Variants in CTNNA1 observed in about 807,000 individuals in gnomAD.
CTNNA1 encodes the protein catenin alpha 1.
Under a neutral mutation model 98.4 loss-of-function variants are expected in CTNNA1, and 37 were observed. That is an observed-to-expected ratio of 0.38 (90% CI 0.29 to 0.49). The LOEUF (loss-of-function observed/expected upper bound fraction) is 0.49. Ranked by LOEUF, CTNNA1 falls within the 20% of genes least tolerant of loss-of-function variation. CTNNA1 has a pLI of 0.95. For synonymous variants in CTNNA1, 404 were observed against 413.2 expected, an observed-to-expected ratio of 0.98 and a Z score of 0.27; for missense variants, 761 against 1,147.2, an observed-to-expected ratio of 0.66 and a Z score of 4.86.
intron 5 of CTNNA1, among the ~76,000 whole-genome samples, chr5:138,818,295 G>T (rs1279748646): frequency 6.6e-6 from 1 of 151,230 alleles, no homozygotes; most frequent in African/African-American, 2.4e-5. Flanking sequence ...AGCGGGGGTG[G>T]GTAGAGATAG....
chr5:138,755,634 C>T (rs534133014), intron 1 of CTNNA1, among the ~76,000 whole-genome samples: 2 of 152,242 alleles, frequency 1.3e-5, no homozygotes, highest in Admixed American at 6.5e-5. Context: ...GCAGTCTCTT[C>T]TGTCATCAGC....
chr5:138,884,057 A>C (rs971529708), intron 7 of CTNNA1, among the ~76,000 whole-genome samples: 7 of 152,244 alleles, frequency 4.6e-5, no homozygotes, highest in Non-Finnish European at 7.3e-5. Flanking sequence ...ACATATTCCC[A>C]AGGTGGTTGG....
intron 9 of CTNNA1, 113 bp from the exon 10 acceptor site, chr5:138,904,236 C>T: frequency 7.6e-7 from 1 of 1,318,796 alleles, no homozygotes; most frequent in Non-Finnish European, 1.0e-6. Context: ...AGGGAGGCAC[C>T]CTTGGTGCCC....
At chr5:138,877,748 A>G (rs923301495) in intron 7 of CTNNA1, among the ~76,000 whole-genome samples, 2 of 152,132 alleles carry the variant, frequency 1.3e-5, no homozygotes, top group South Asian at 2.1e-4. Context: ...CGCCCGGCCA[A>G]ATTTCTTAAA....
intron 1 of CTNNA1, among the ~76,000 whole-genome samples, chr5:138,762,642 T>G (rs928698734): frequency 4.2e-5 from 6 of 144,034 alleles, no homozygotes; most frequent in Non-Finnish European, 9.2e-5. Flanking sequence ...TAATTTGTGG[T>G]TTTTTTTTTT....
chr5:138,843,048 G>A (rs1283503763), intron 7 of CTNNA1, among the ~76,000 whole-genome samples: 1 of 152,130 alleles, frequency 6.6e-6, no homozygotes, highest in African/African-American at 2.4e-5. Context: ...TTGGATTTAA[G>A]GTATTGATCA....
At chr5:138,871,217 G>A (rs1750563704) in intron 7 of CTNNA1, 2 of 152,166 alleles carry the variant, frequency 1.3e-5, no homozygotes. Flanking sequence ...TGATGTTGGG[G>A]AAAAGATAAC....
intron 6 of CTNNA1, among the ~76,000 whole-genome samples, chr5:138,827,292 C>T (rs907858413): frequency 3.3e-5 from 5 of 152,090 alleles, no homozygotes; most frequent in Admixed American, 1.3e-4. Flanking sequence ...CCTTATCATG[C>T]CTTGTTTGGC....
chr5:138,851,198 T>C (rs1389639667), intron 7 of CTNNA1, among the ~76,000 whole-genome samples: 1 of 152,208 alleles, frequency 6.6e-6, no homozygotes, highest in Non-Finnish European at 1.5e-5. Context: ...GAATGCACAC[T>C]GCCTTTGTCG....
intron 7 of CTNNA1, among the ~76,000 whole-genome samples, chr5:138,861,700 T>C (rs946017002): frequency 2.6e-5 from 4 of 152,208 alleles, no homozygotes; most frequent in Non-Finnish European, 4.4e-5. Flanking sequence ...GGGTACGTCT[T>C]AAATGGCAGG....
At chr5:138,791,654 GT>G (rs1462665784) in intron 3 of CTNNA1, among the ~76,000 whole-genome samples, 3 of 129,678 alleles carry the variant, frequency 2.3e-5, no homozygotes, top group African/African-American at 8.5e-5. Flanking sequence ...GGTCTTGTTA[GT>G]TTTAGAACAA....
At chr5:138,824,450 C>T in intron 5 of CTNNA1, 80 bp from the exon 6 acceptor site, 1 of 1,462,750 alleles carries the variant, frequency 6.8e-7, no homozygotes, top group Non-Finnish European at 9.3e-7. Flanking sequence ...TCTAACTTTT[C>T]AGCATTTACC....
At chr5:138,868,622 G>T (rs1317474434) in intron 7 of CTNNA1, among the ~76,000 whole-genome samples, 23 of 152,212 alleles carry the variant, frequency 1.5e-4, no homozygotes, top group Admixed American at 1.5e-3. Flanking sequence ...GTGAGCCTGG[G>T]ACAGTTGTTT....
chr5:138,758,548 TG>T (rs1391846967), intron 1 of CTNNA1, among the ~76,000 whole-genome samples: 1 of 152,162 alleles, frequency 6.6e-6, no homozygotes, highest in Non-Finnish European at 1.5e-5. Context: ...AGCTAATTTT[TG>T]TATTTTTAGT....
intron 7 of CTNNA1, among the ~76,000 whole-genome samples, chr5:138,868,163 G>A (rs1285470863): frequency 6.6e-6 from 1 of 152,176 alleles, no homozygotes; most frequent in African/African-American, 2.4e-5. Flanking sequence ...TATTAAATAT[G>A]TGTTATCTAA....
At chr5:138,787,335 G>C (rs760081838) in intron 3 of CTNNA1, among the ~76,000 whole-genome samples, 1 of 152,094 alleles carries the variant, frequency 6.6e-6, no homozygotes, top group Non-Finnish European at 1.5e-5. Context: ...GGAGAATGGC[G>C]TGAACCTGGG....
At chr5:138,803,578 C>T (rs1757788537) in intron 3 of CTNNA1, among the ~76,000 whole-genome samples, 1 of 152,150 alleles carries the variant, frequency 6.6e-6, no homozygotes, top group Non-Finnish European at 1.5e-5. Flanking sequence ...GCCACATTGG[C>T]TTCCTTGGCC....
intron 7 of CTNNA1, among the ~76,000 whole-genome samples, chr5:138,840,506 G>T (rs1361672089): frequency 1.3e-5 from 2 of 152,172 alleles, no homozygotes; most frequent in Non-Finnish European, 2.9e-5. Context: ...TTCTCCTTCA[G>T]TTATTCTTTT....
intron 11 of CTNNA1, among the ~76,000 whole-genome samples, chr5:138,923,970 A>T (rs981771976): frequency 2.6e-5 from 4 of 152,196 alleles, no homozygotes; most frequent in African/African-American, 7.2e-5. Context: ...TAAATAGTTC[A>T]TCTCACACCT....
Sources: gnomAD v4.1 joint callset for allele counts (sites outside exome capture counted in the v4.1 genomes callset) on GRCh38, gnomAD v4.1.1 for gene constraint, MANE v1.5 for transcripts, NCBI Gene and HGNC (gene_info 2026-07-23, HGNC 2026-07-21) for gene names.